MVB12B: variants seen among roughly 807,000 people sequenced by gnomAD.
MVB12B encodes ESCRT-I complex subunit MVB12B.
In MVB12B, 16 loss-of-function variants were observed where a neutral mutation model predicts 41.6. That is an observed-to-expected ratio of 0.38 (90% CI 0.26 to 0.58). The LOEUF (loss-of-function observed/expected upper bound fraction) is 0.58. Ranked by LOEUF, MVB12B falls within the 20% of genes least tolerant of loss-of-function variation. The probability of loss-of-function intolerance (pLI) is 0.62; values close to 1 mark genes in which losing one functional copy is unlikely to be tolerated. For missense variants in MVB12B, 274 were observed against 380.2 expected, an observed-to-expected ratio of 0.72 and a Z score of 2.32; for synonymous variants, 133 against 139.7, an observed-to-expected ratio of 0.95 and a Z score of 0.34.
At chr9:126,351,885 G>A (rs971035083) in intron 2 of MVB12B, among the ~76,000 whole-genome samples, 3 of 152,070 alleles carry the variant, frequency 2.0e-5, no homozygotes, top group African/African-American at 7.2e-5. Context: ...GTTTTTCTGA[G>A]AGTTTTTATC....
chr9:126,430,146 T>C (rs1000159295), intron 7 of MVB12B, among the ~76,000 whole-genome samples: 17 of 152,140 alleles, frequency 1.1e-4, no homozygotes, highest in African/African-American at 3.9e-4. Flanking sequence ...CCCAGGTAGC[T>C]GACTCATCTC....
chr9:126,438,063 A>G (rs925999498), intron 7 of MVB12B, among the ~76,000 whole-genome samples: 4 of 152,260 alleles, frequency 2.6e-5, no homozygotes, highest in Non-Finnish European at 5.9e-5. Context: ...ACTCCTGTGT[A>G]TAGAACATAG....
At chr9:126,482,107 G>A (rs1833535652) in intron 8 of MVB12B, among the ~76,000 whole-genome samples, 2 of 152,228 alleles carry the variant, frequency 1.3e-5, no homozygotes, top group South Asian at 2.1e-4. Flanking sequence ...TGTGAGGGGC[G>A]GCCACCCTGC....
At chr9:126,405,047 G>A (rs891548107) in intron 6 of MVB12B, among the ~76,000 whole-genome samples, 1 of 152,164 alleles carries the variant, frequency 6.6e-6, no homozygotes. Context: ...ACAGCTTCTT[G>A]GGAAGTCAGA....
In MVB12B at chr9:126,392,295, G is replaced by GT. The variant is rs1163265740; in HGVS notation, c.539+100_539+101insT. On this transcript the variant is annotated intron_variant, in intron 5 of 9. Coordinates refer to ENST00000361171, the MANE Select transcript of MVB12B (RefSeq NM_033446.3). This position sits in a 1 kb window ranked among gnomAD's most constrained non-coding sequence, Gnocchi z 4.8. ...CAAGAGATTTCCATGCAGCCCCCCAGGCTCTCAGCCATGGGCCTCTGTCAG... is the reference window on the plus strand; with the variant it reads ...CAAGAGATTTCCATGCAGCCCCCCAGTGCTCTCAGCCATGGGCCTCTGTCAG... 13 of 1,411,724 alleles carry GT rather than the reference G, an allele frequency of 9.2e-6. No individual in the cohort carries two copies. The highest frequency in any genetic ancestry group is 7.5e-5 in the Admixed American group (4 of 53,210). 87.4% of individuals were successfully genotyped at this position (1,411,724 alleles called of 1,614,324 possible). A position where few individuals can be genotyped will look rare whatever the true frequency, so the allele number is the denominator to read the frequency against.
At chr9:126,477,889 G>A (rs1027460228) in intron 7 of MVB12B, among the ~76,000 whole-genome samples, 3 of 152,188 alleles carry the variant, frequency 2.0e-5, no homozygotes, top group African/African-American at 4.8e-5. Flanking sequence ...AGAGCGCAGC[G>A]TGACAGGAGG....
At chr9:126,454,980 G>A (rs888963544) in intron 7 of MVB12B, among the ~76,000 whole-genome samples, 1 of 151,924 alleles carries the variant, frequency 6.6e-6, no homozygotes, top group Non-Finnish European at 1.5e-5. Context: ...GCCACTCCGG[G>A]GATGAGCGAG....
intron 2 of MVB12B, among the ~76,000 whole-genome samples, chr9:126,371,394 G>A (rs1274513897): frequency 6.6e-6 from 1 of 152,228 alleles, no homozygotes; most frequent in Non-Finnish European, 1.5e-5. Context: ...TGTCTCGTGG[G>A]CCCCCCACGG....
At chr9:126,461,463 C>T (rs1833087736) in intron 7 of MVB12B, among the ~76,000 whole-genome samples, 1 of 152,200 alleles carries the variant, frequency 6.6e-6, no homozygotes, top group African/African-American at 2.4e-5. Context: ...CAACCCAGCT[C>T]GCCTATCTCA....
intron 7 of MVB12B, among the ~76,000 whole-genome samples, chr9:126,441,245 C>G (rs746786540): frequency 2.0e-5 from 3 of 152,174 alleles, no homozygotes; most frequent in Non-Finnish European, 4.4e-5. Context: ...GATTCCTCTG[C>G]GAGGCTTGAA....
chr9:126,406,177 G>C (rs1322613145), intron 6 of MVB12B, among the ~76,000 whole-genome samples: 1 of 152,066 alleles, frequency 6.6e-6, no homozygotes, highest in Non-Finnish European at 1.5e-5. Flanking sequence ...GTGAGCAGAG[G>C]AGAGGTCTCA....
intron 6 of MVB12B, among the ~76,000 whole-genome samples, chr9:126,415,511 G>T (rs950070830): frequency 4.6e-5 from 7 of 152,158 alleles, no homozygotes; most frequent in African/African-American, 1.7e-4. Flanking sequence ...AAGTAGTGCC[G>T]TGATGAATTT....
intron 6 of MVB12B, among the ~76,000 whole-genome samples, chr9:126,399,199 C>G (rs1216238208): frequency 6.6e-6 from 1 of 152,226 alleles, no homozygotes; most frequent in Non-Finnish European, 1.5e-5. Flanking sequence ...GCTCCTCTCC[C>G]TCATACAGTG....
At chr9:126,377,352 C>G (rs1379352554) in intron 2 of MVB12B, among the ~76,000 whole-genome samples, 2 of 152,154 alleles carry the variant, frequency 1.3e-5, no homozygotes, top group Non-Finnish European at 2.9e-5. Flanking sequence ...GTTCTGCAGT[C>G]AGCAGACATA....
intron 4 of MVB12B, among the ~76,000 whole-genome samples, chr9:126,390,025 C>G (rs1830901270): frequency 6.6e-6 from 1 of 152,132 alleles, no homozygotes; most frequent in South Asian, 2.1e-4. Context: ...TCCCCCTCCC[C>G]ACTCCCGGCC....
intron 7 of MVB12B, among the ~76,000 whole-genome samples, chr9:126,450,614 G>A (rs1000924299): frequency 6.6e-5 from 10 of 152,316 alleles, no homozygotes; most frequent in East Asian, 1.9e-4. Flanking sequence ...ATTTTCTCAC[G>A]TTTGGGAAAT....
rs574265485 is a variant in MVB12B, at chr9:126,429,408, G to A, written c.757+7460G>A. ...CACAACCATGTGTGTGCTGTCAGGCGCACGCACACTGCCTTGTTTCGATTG... is the reference window on the plus strand; with the variant it reads ...CACAACCATGTGTGTGCTGTCAGGCACACGCACACTGCCTTGTTTCGATTG... On this transcript the variant is annotated intron_variant, in intron 7 of 9. Coordinates refer to ENST00000361171, the MANE Select transcript of MVB12B (RefSeq NM_033446.3). Among the ~76,000 whole-genome samples, 318 of 152,272 alleles carry A rather than the reference G, an allele frequency of 2.1e-3. 1 individual carries two copies. The highest frequency in any genetic ancestry group is 7.4e-3 in the African/African-American group (308 of 41,528).
At chr9:126,399,007 AAAGCAGGAACTGCCTCTAG>A (rs945051710) in intron 6 of MVB12B, among the ~76,000 whole-genome samples, 37 of 152,292 alleles carry the variant, frequency 2.4e-4, no homozygotes, top group African/African-American at 8.9e-4. Flanking sequence ...TCTCTGTCCA[AAAGCAGGAACTGCCTCTAG>A]AAGCAGGAGC....
At chr9:126,471,973 G>GGT (rs386361561) in intron 7 of MVB12B, among the ~76,000 whole-genome samples, 251 of 8,044 alleles carry the variant, frequency 0.031, no homozygotes, top group Non-Finnish European at 0.067. Flanking sequence ...AATAGAGTCT[G>GGT]TTTTTTTTTT....
Sources: gnomAD v4.1 joint callset for allele counts (sites outside exome capture counted in the v4.1 genomes callset) on GRCh38, gnomAD v4.1.1 for gene constraint, Gnocchi (gnomAD v3.1) non-coding constraint, MANE v1.5 for transcripts, NCBI Gene and HGNC (gene_info 2026-07-23, HGNC 2026-07-21) for gene names.